Variants in CNBD1 observed in about 807,000 individuals in gnomAD.
CNBD1 encodes cyclic nucleotide-binding domain-containing protein 1.
Under a neutral mutation model 54.4 loss-of-function variants are expected in CNBD1, and 71 were observed. The ratio of observed to expected loss-of-function variants is 1.30; its 90% CI spans 1.08 to 1.59. The LOEUF (loss-of-function observed/expected upper bound fraction) is 1.59. CNBD1 is among the 40% of genes most tolerant of loss of function. CNBD1 has a pLI of 0.00. For synonymous variants in CNBD1, 182 were observed against 170.7 expected (o/e 1.07, Z -0.51); for missense variants, 659 against 518.0 (o/e 1.27, Z -2.64).
intron 2 of CNBD1, among the ~76,000 whole-genome samples, chr8:87,388,333 T>C (rs923390042): frequency 1.3e-5 from 2 of 151,244 alleles, no homozygotes; most frequent in Admixed American, 1.3e-4. Context: ...TTTGAAAAGA[T>C]CAACGAAATT....
At chr8:87,368,472 C>CA (rs1810689059) in intron 10 of CNBD1, among the ~76,000 whole-genome samples, 1 of 151,742 alleles carries the variant, frequency 6.6e-6, no homozygotes, top group African/African-American at 2.4e-5. Flanking sequence ...CCTGTCTGTA[C>CA]AAAAAATAGT....
intron 4 of CNBD1, among the ~76,000 whole-genome samples, chr8:86,960,560 G>T (rs1245400688): frequency 6.6e-6 from 1 of 152,238 alleles, no homozygotes; most frequent in Non-Finnish European, 1.5e-5. Context: ...TCTCGGGGCA[G>T]TGCATAGCTG....
chr8:87,004,359 G>A (rs1586192413), intron 4 of CNBD1, among the ~76,000 whole-genome samples: 2 of 152,154 alleles, frequency 1.3e-5, no homozygotes, highest in Admixed American at 1.3e-4. Flanking sequence ...ACAGTAATGT[G>A]CATTGTCTTT....
At chr8:87,261,380 C>T (rs1808137339) in intron 6 of CNBD1, among the ~76,000 whole-genome samples, 1 of 151,932 alleles carries the variant, frequency 6.6e-6, no homozygotes, top group South Asian at 2.1e-4. Context: ...CTTCTGACAC[C>T]ATCTGTTAGA....
intron 6 of CNBD1, among the ~76,000 whole-genome samples, chr8:87,250,394 C>A (rs1306720081): frequency 6.6e-6 from 1 of 152,138 alleles, no homozygotes; most frequent in Non-Finnish European, 1.5e-5. Flanking sequence ...TTAGTATAGG[C>A]ACTATGGAGA....
At chr8:87,060,521 C>T (rs1810519296) in intron 4 of CNBD1, among the ~76,000 whole-genome samples, 1 of 152,158 alleles carries the variant, frequency 6.6e-6, no homozygotes, top group Admixed American at 6.5e-5. Context: ...GTACTATTTA[C>T]TCCTTTTCTC....
chr8:87,272,541 C>T (rs11786599), intron 6 of CNBD1, among the ~76,000 whole-genome samples: 42,742 of 151,594 alleles, frequency 0.28, 6,470 homozygotes, highest in African/African-American at 0.39. Flanking sequence ...AAATGTTTTC[C>T]TTTGAATAAG....
chr8:86,879,389 G>A (rs1411482380), intron 1 of CNBD1, among the ~76,000 whole-genome samples: 1 of 152,178 alleles, frequency 6.6e-6, no homozygotes. Context: ...GGTGCTGTAA[G>A]AGCACAATGG....
intron 3 of CNBD1, among the ~76,000 whole-genome samples, chr8:86,915,161 A>C (rs1472538958): frequency 2.0e-5 from 3 of 152,110 alleles, no homozygotes; most frequent in Non-Finnish European, 4.4e-5. Context: ...TTGTGGATGC[A>C]ACCATAGGAA....
intron 4 of CNBD1, among the ~76,000 whole-genome samples, chr8:86,947,449 T>C (rs1049148338): frequency 8.5e-5 from 13 of 152,108 alleles, no homozygotes; most frequent in African/African-American, 3.1e-4. Context: ...CATCAGTGTA[T>C]GGTTAAATGT....
intron 8 of CNBD1, among the ~76,000 whole-genome samples, chr8:87,308,390 T>A (rs1195769405): frequency 1.3e-5 from 2 of 152,174 alleles, no homozygotes; most frequent in Admixed American, 6.5e-5. Flanking sequence ...GCTCTCAGAA[T>A]TAGTTAATAG....
At chr8:87,059,342 A>G (rs149817876) in intron 4 of CNBD1, among the ~76,000 whole-genome samples, 25 of 152,262 alleles carry the variant, frequency 1.6e-4, no homozygotes, top group African/African-American at 5.3e-4. Flanking sequence ...ACCTCTGCCT[A>G]TTACCTATTT....
At chr8:87,006,982 A>T in intron 4 of CNBD1, among the ~76,000 whole-genome samples, 1 of 152,206 alleles carries the variant, frequency 6.6e-6, no homozygotes, top group East Asian at 1.9e-4. Flanking sequence ...GGATCACCTG[A>T]GGTCAGGATT....
intron 4 of CNBD1, among the ~76,000 whole-genome samples, chr8:87,154,682 T>C (rs988485100): frequency 6.6e-6 from 1 of 152,214 alleles, no homozygotes; most frequent in Non-Finnish European, 1.5e-5. Context: ...TTTCCTCTAC[T>C]GTCTTCTTTT....
chr8:87,409,709 G>A (rs1050523463), intron 2 of CNBD1, among the ~76,000 whole-genome samples: 3 of 152,186 alleles, frequency 2.0e-5, no homozygotes, highest in Admixed American at 2.0e-4. Flanking sequence ...TGAAAACCCA[G>A]GGGCTTAAGA....
chr8:87,384,894 A>G (rs114190576), downstream of CNBD1, among the ~76,000 whole-genome samples: 2,279 of 152,276 alleles, frequency 0.015, 57 homozygotes, highest in African/African-American at 0.049. Flanking sequence ...GTGAAAGGGG[A>G]CATTGTAAAA....
chr8:87,106,544 T>G (rs2130699223), intron 4 of CNBD1, among the ~76,000 whole-genome samples: 1 of 152,328 alleles, frequency 6.6e-6, no homozygotes, highest in East Asian at 1.9e-4. Flanking sequence ...ATTCAGTTAC[T>G]TTATAATCAA....
At chr8:87,284,642 G>C in intron 6 of CNBD1, 36 bp from the exon 7 acceptor site, 1 of 1,563,688 alleles carries the variant, frequency 6.4e-7, no homozygotes, top group East Asian at 2.3e-5. Context: ...TTGATGAGTG[G>C]TAATAAACAT....
intron 4 of CNBD1, among the ~76,000 whole-genome samples, chr8:86,998,329 C>T (rs1524839): frequency 0.51 from 77,816 of 151,694 alleles, 20,044 homozygotes; most frequent in African/African-American, 0.58. Flanking sequence ...AGGCACATCA[C>T]GGTCTTCTTG....
Sources: gnomAD v4.1 joint callset for allele counts (sites outside exome capture counted in the v4.1 genomes callset) on GRCh38, gnomAD v4.1.1 for gene constraint, MANE v1.5 for transcripts, NCBI Gene and HGNC (gene_info 2026-07-23, HGNC 2026-07-21) for gene names.